PCCA: variants seen among roughly 807,000 people sequenced by gnomAD.
PCCA encodes propionyl-CoA carboxylase alpha chain, mitochondrial.
Under a neutral mutation model 101.3 loss-of-function variants are expected in PCCA, and 74 were observed. That is an observed-to-expected ratio of 0.73 (90% CI 0.61 to 0.89). The LOEUF (loss-of-function observed/expected upper bound fraction) is 0.89. Among genes scored for constraint, PCCA ranks in the 40% least tolerant of loss-of-function variants. PCCA has a pLI of 0.00. For synonymous variants in PCCA, 294 were observed against 313.6 expected, an observed-to-expected ratio of 0.94 and a Z score of 0.66; for missense variants, 891 against 907.0, an observed-to-expected ratio of 0.98 and a Z score of 0.23.
intron 19 of PCCA, among the ~76,000 whole-genome samples, chr13:100,403,886 G>A (rs1483763384): frequency 6.6e-6 from 1 of 152,118 alleles, no homozygotes; most frequent in African/African-American, 2.4e-5. Context: ...GTGCGCAGCT[G>A]GTTGGAATTT....
chr13:100,258,344 A>G (rs866762644), intron 9 of PCCA, among the ~76,000 whole-genome samples: 4 of 152,196 alleles, frequency 2.6e-5, no homozygotes, highest in Admixed American at 2.0e-4. Flanking sequence ...TTCTTAGAAG[A>G]GCACGTGGAA....
chr13:100,269,102 C>T (rs1566832325), intron 11 of PCCA, among the ~76,000 whole-genome samples: 2 of 152,320 alleles, frequency 1.3e-5, no homozygotes, highest in East Asian at 3.9e-4. Context: ...CCCACCTCAG[C>T]CTCCCGAAGT....
chr13:100,342,839 A>G (rs749886886), intron 18 of PCCA, among the ~76,000 whole-genome samples: 4 of 151,500 alleles, frequency 2.6e-5, no homozygotes, highest in Non-Finnish European at 5.9e-5. Flanking sequence ...CTCCTGCCTC[A>G]GTGTCCCTGG....
chr13:100,474,098 G>C (rs1297921895), intron 21 of PCCA, among the ~76,000 whole-genome samples: 1 of 152,162 alleles, frequency 6.6e-6, no homozygotes, highest in Non-Finnish European at 1.5e-5. Flanking sequence ...GAATTGAATT[G>C]CTCATATTTG....
rs1023095213 is a variant in PCCA at position 100,398,090 on chromosome 13, G to A, written c.1747-27543G>A. Among the ~76,000 whole-genome samples the A allele has an allele frequency of 4.4e-4, 67 of 152,118 alleles. 1 individual carries two copies. The highest frequency in any genetic ancestry group is 1.4e-3 in the African/African-American group (60 of 41,410). ...TATGATTTTGTTTACAACCAGCTACGAAAAACACCAAGGAAATGTGAAAGC... is the reference window on the plus strand; with the variant it reads ...TATGATTTTGTTTACAACCAGCTACAAAAAACACCAAGGAAATGTGAAAGC... On this transcript the variant is annotated intron_variant, in intron 19 of 23. Transcript: ENST00000376285.
At chr13:100,125,111 G>A (rs1269804727) in intron 4 of PCCA, among the ~76,000 whole-genome samples, 3 of 149,860 alleles carry the variant, frequency 2.0e-5, no homozygotes, top group Non-Finnish European at 3.0e-5. Flanking sequence ...GGTGTTAACT[G>A]AAAAGTATCA....
chr13:100,090,168 A>C (rs1375181857), intron 1 of PCCA, among the ~76,000 whole-genome samples: 1 of 152,232 alleles, frequency 6.6e-6, no homozygotes, highest in Non-Finnish European at 1.5e-5. Flanking sequence ...TAGACGTTGA[A>C]GACACTTTAG....
intron 18 of PCCA, among the ~76,000 whole-genome samples, chr13:100,346,545 C>T (rs973318337): frequency 2.0e-5 from 3 of 152,152 alleles, no homozygotes; most frequent in Non-Finnish European, 4.4e-5. Flanking sequence ...GGTGAAGATG[C>T]TGTGAACATT....
chr13:100,421,868 TGAGACGAGG>T (rs2078785843), intron 19 of PCCA, among the ~76,000 whole-genome samples: 1 of 151,868 alleles, frequency 6.6e-6, no homozygotes, highest in African/African-American at 2.4e-5. Context: ...TCTTTTTAGT[TGAGACGAGG>T]TTTCACCATG....
chr13:100,367,923 A>G (rs1240757527), intron 18 of PCCA, among the ~76,000 whole-genome samples: 2 of 151,890 alleles, frequency 1.3e-5, no homozygotes, highest in Admixed American at 1.3e-4. Flanking sequence ...GCACCATTGC[A>G]CTCCAGCCCG....
intron 1 of PCCA, among the ~76,000 whole-genome samples, chr13:100,090,288 T>G (rs1298487708): frequency 6.6e-6 from 1 of 152,230 alleles, no homozygotes; most frequent in African/African-American, 2.4e-5. Flanking sequence ...TATGTTTGTT[T>G]TGTGTCCAAT....
intron 19 of PCCA, among the ~76,000 whole-genome samples, chr13:100,384,724 C>T (rs1048731478): frequency 4.6e-5 from 7 of 152,216 alleles, no homozygotes; most frequent in Admixed American, 3.9e-4. Flanking sequence ...AAAAGGACAT[C>T]AGTAAACAAG....
chr13:100,113,580 CTT>C (rs142922710), intron 4 of PCCA, among the ~76,000 whole-genome samples: 54,539 of 133,840 alleles, frequency 0.41, 9,869 homozygotes, highest in East Asian at 0.64. Context: ...TTGACTCTTT[CTT>C]TTTTTTTTTT....
intron 6 of PCCA, among the ~76,000 whole-genome samples, chr13:100,191,872 C>T (rs957121432): frequency 6.6e-6 from 1 of 152,126 alleles, no homozygotes; most frequent in African/African-American, 2.4e-5. Flanking sequence ...TATACAATGC[C>T]AGCTTTTTCC....
At chr13:100,167,297 C>G (rs1356309082) in intron 6 of PCCA, among the ~76,000 whole-genome samples, 1 of 152,070 alleles carries the variant, frequency 6.6e-6, no homozygotes. Context: ...ACCTGTAATT[C>G]TAGCACTTTG....
intron 21 of PCCA, among the ~76,000 whole-genome samples, chr13:100,497,533 C>T (rs1234546099): frequency 6.6e-6 from 1 of 151,210 alleles, no homozygotes; most frequent in Non-Finnish European, 1.5e-5. Flanking sequence ...CAGATACTAT[C>T]ACAGCTGCCA....
chr13:100,105,438 A>G (rs946007688), intron 2 of PCCA, among the ~76,000 whole-genome samples: 1 of 152,166 alleles, frequency 6.6e-6, no homozygotes, highest in Non-Finnish European at 1.5e-5. Context: ...CATTTGTTGA[A>G]GAGGACACAT....
intron 7 of PCCA, among the ~76,000 whole-genome samples, chr13:100,218,374 C>T (rs956445066): frequency 2.0e-5 from 3 of 149,442 alleles, no homozygotes; most frequent in South Asian, 2.1e-4. Flanking sequence ...TTAGCAGAGA[C>T]GGGTTTTCAC....
At chr13:100,181,013 T>C (rs1295520081) in intron 6 of PCCA, among the ~76,000 whole-genome samples, 7 of 152,310 alleles carry the variant, frequency 4.6e-5, no homozygotes, top group Non-Finnish European at 1.0e-4. Context: ...GAGAAAGACA[T>C]TGGAAGCCAG....
Sources: allele counts gnomAD v4.1 joint callset (sites outside exome capture counted in the v4.1 genomes callset), GRCh38; gene constraint gnomAD v4.1.1; transcripts MANE v1.5; gene names NCBI Gene and HGNC (gene_info 2026-07-23, HGNC 2026-07-21).